The following GOLGA6A variants were observed in gnomAD, a reference collection of about 807,000 sequenced individuals.
GOLGA6A encodes golgin subfamily A member 6A.
A neutral mutation model predicts 53.6 loss-of-function variants in GOLGA6A; 1 was observed. That is an observed-to-expected ratio of 0.02 (90% CI 0.01 to 0.09). GOLGA6A has a LOEUF of 0.09. Among genes scored for constraint, GOLGA6A ranks in the 10% least tolerant of loss-of-function variants. The pLI is 1.00. For synonymous variants in GOLGA6A, 6 were observed against 201.8 expected (o/e 0.03, Z 8.22); for missense variants, 23 against 509.4 (o/e 0.05, Z 9.19).
In GOLGA6A at chr15:74,076,106, G is replaced by C. The variant is rs1184394807; in HGVS notation, c.565-121C>G. On this transcript the variant is annotated intron_variant, in intron 7 of 17. Coordinates refer to ENST00000290438, the MANE Select transcript of GOLGA6A (RefSeq NM_001038640.2). The stretch of plus-strand genomic sequence containing the variant: ...AAGGCATTTCCAAGCCCGTGGCCTG[G>C]TTATTAAAAGAACTCAGTAAAGTTG... The C allele has an allele frequency of 3.5e-5, 36 of 1,016,170 alleles. No homozygotes were observed. In the African/African-American group the frequency reaches 5.6e-4, roughly 16 times the overall value. 62.9% of individuals were successfully genotyped at this position (1,016,170 alleles called of 1,614,324 possible).
At chr15:74,072,529 T>A (rs2071952411) in intron 13 of GOLGA6A, 1 of 787,946 alleles carries the variant, frequency 1.3e-6, no homozygotes, top group Non-Finnish European at 2.0e-6. Flanking sequence ...CCTGCTCCCT[T>A]TCTGATCTGG....
intron 14 of GOLGA6A, 64 bp downstream of exon 14, chr15:74,072,154 T>TCAG: frequency 7.1e-7 from 1 of 1,412,560 alleles, no homozygotes. Context: ...ACCAAGAGCA[T>TCAG]AAGGGGGTCT....
chr15:74,076,305 C>T (rs531108242), intron 7 of GOLGA6A, among the ~76,000 whole-genome samples: 13 of 139,542 alleles, frequency 9.3e-5, no homozygotes, highest in Admixed American at 3.7e-4. Context: ...CCATATGAGA[C>T]GGTTACTAGG....
chr15:74,076,664 C>CT (rs1595931748), intron 7 of GOLGA6A, among the ~76,000 whole-genome samples: 78 of 142,854 alleles, frequency 5.5e-4, no homozygotes, highest in Middle Eastern at 3.9e-3. Flanking sequence ...ACACACACCC[C>CT]TTTCCTCTCT....
At chr15:74,076,660 ACC>A (rs1555447184) in intron 7 of GOLGA6A, among the ~76,000 whole-genome samples, 3 of 143,844 alleles carry the variant, frequency 2.1e-5, no homozygotes, top group African/African-American at 7.7e-5. Flanking sequence ...ACACACACAC[ACC>A]CCTTTCCTCT....
chr15:74,076,010 T>C, intron 7 of GOLGA6A, 25 bp from the exon 8 acceptor site: 2 of 1,611,742 alleles, frequency 1.2e-6, no homozygotes, highest in Non-Finnish European at 1.7e-6. Flanking sequence ...GTGAGAAGTT[T>C]TGATCTGGGG....
At chr15:74,073,506 A>G (rs1429788234) in intron 12 of GOLGA6A, among the ~76,000 whole-genome samples, 1 of 152,066 alleles carries the variant, frequency 6.6e-6, no homozygotes, top group South Asian at 2.1e-4. Context: ...GATGAACAGT[A>G]GTTGAATGGT....
In GOLGA6A at chr15:74,075,822, GC is replaced by G. The variant is rs1567149318; in HGVS notation, c.652-33del. 3.4e-6 allele frequency: 5 copies of G among 1,480,332 alleles called. No homozygotes were observed. In the South Asian group the frequency reaches 5.8e-5, roughly 17 times the overall value. 91.7% of individuals were successfully genotyped at this position (1,480,332 alleles called of 1,614,324 possible). On this transcript the variant is annotated intron_variant, in intron 8 of 17. Transcript: ENST00000290438. ...GAAATGGGCACAGAAGTTAGGAAGGGCTGTCACTGGTCCTCACCTGCTCCTG... is the reference window on the plus strand; with the variant it reads ...GAAATGGGCACAGAAGTTAGGAAGGGTGTCACTGGTCCTCACCTGCTCCTG...
At chr15:74,076,238 G>A (rs1213265316) in intron 7 of GOLGA6A, among the ~76,000 whole-genome samples, 9 of 146,234 alleles carry the variant, frequency 6.2e-5, no homozygotes, top group South Asian at 2.3e-4. Flanking sequence ...TGTTTGAACC[G>A]TTATGGAGTG....
chr15:74,080,379 A>T (rs1202602359), intron 2 of GOLGA6A, among the ~76,000 whole-genome samples: 1 of 152,302 alleles, frequency 6.6e-6, no homozygotes, highest in African/African-American at 2.4e-5. Context: ...AAACAACAAC[A>T]ATAAGGAATC....
chr15:74,080,313 C>T (rs2071995575), intron 2 of GOLGA6A, among the ~76,000 whole-genome samples: 1 of 152,294 alleles, frequency 6.6e-6, no homozygotes, highest in Non-Finnish European at 1.5e-5. Flanking sequence ...CAGCAATGAC[C>T]ATTTCCTGGG....
rs1417880008 is a variant in GOLGA6A, at chr15:74,076,125, A to T, written c.565-140T>A. The T allele has an allele frequency of 3.5e-6, 3 of 859,110 alleles. No individual in the cohort carries two copies. In the African/African-American group the frequency reaches 5.2e-5, roughly 15 times the overall value. The allele number at this position is 859,110 out of a possible 1,614,324, so 53.2% of individuals were successfully genotyped here. A position where few individuals can be genotyped will look rare whatever the true frequency, so the allele number is the denominator to read the frequency against. On this transcript the variant is annotated intron_variant, in intron 7 of 17. Transcript: ENST00000290438. Reference sequence around the variant, plus strand: ...GGCCTGGTTATTAAAAGAACTCAGTAAAGTTGGAAGGGAGAGGGAAAGAGA... The same window carrying T: ...GGCCTGGTTATTAAAAGAACTCAGTTAAGTTGGAAGGGAGAGGGAAAGAGA...
In GOLGA6A at chr15:74,074,641, T is replaced by TGCAGCCTCTCCTCCTCCTTTC; in HGVS notation, c.1187_1207dup (p.Arg396_Leu402dup). 1.1e-5 allele frequency: 5 copies of TGCAGCCTCTCCTCCTCCTTTC among 436,162 alleles called. No individual in the cohort carries two copies. The highest frequency in any genetic ancestry group is 6.9e-5 in the South Asian group (3 of 43,558). 27.0% of individuals were successfully genotyped at this position (436,162 alleles called of 1,614,324 possible). A position where few individuals can be genotyped will look rare whatever the true frequency, so the allele number is the denominator to read the frequency against. On this transcript the variant is annotated inframe_insertion, in exon 11 of 18. Transcript: ENST00000290438. ...GTCCCACAGCCTCTTTTCCTGCTTT[T>TGCAGCCTCTCCTCCTCCTTTC]GCAGCCTCTCCTCCTCCTTTCGCAG...
intron 2 of GOLGA6A, among the ~76,000 whole-genome samples, chr15:74,079,915 TC>T (rs2071993225): frequency 3.4e-5 from 1 of 29,176 alleles, no homozygotes; most frequent in Admixed American, 3.9e-4. Flanking sequence ...CTTAATACGC[TC>T]ACTGGACCCC....
chr15:74,075,076 A>ACAAAAAC (rs2071970616), intron 10 of GOLGA6A, 75 bp from the exon 11 acceptor site: 1 of 421,486 alleles, frequency 2.4e-6, no homozygotes, highest in Admixed American at 5.9e-5. Flanking sequence ...AAAAAAAAAA[A>ACAAAAAC]AAAAACCTCC....
In GOLGA6A at chr15:74,074,210, CGTT is replaced by C; in HGVS notation, c.1360_1362del (p.Asn454del). 3.6e-5 allele frequency: 1 copy of C among 27,704 alleles called. No individual in the cohort carries two copies. Among genetic ancestry groups the C allele is most frequent in the South Asian group, 2.6e-4 (1 of 3,830 alleles). 1.7% of individuals were successfully genotyped at this position (27,704 alleles called of 1,614,324 possible). On this transcript the variant is annotated inframe_deletion, in exon 12 of 18. Coordinates refer to ENST00000290438, the MANE Select transcript of GOLGA6A (RefSeq NM_001038640.2). ...TCCAACTGCAGTGCGCTCTTTTTCT[CGTT>C]GTTCTGGACAGAGAGAAGCAATCAG...
At chr15:74,079,221 C>T (rs1416733560) in intron 2 of GOLGA6A, among the ~76,000 whole-genome samples, 17 of 5,906 alleles carry the variant, frequency 2.9e-3, no homozygotes, top group African/African-American at 0.016. Flanking sequence ...GAGCCGAGAT[C>T]GCACCACTCC....
At chr15:74,079,266 CAAAAA>C (rs1319577495) in intron 2 of GOLGA6A, among the ~76,000 whole-genome samples, 1 of 1,156 alleles carries the variant, frequency 8.7e-4, no homozygotes, top group Admixed American at 7.2e-3. Context: ...GACTCTGTCT[CAAAAA>C]AAAAAAAAAA....
intron 7 of GOLGA6A, 47 bp from the exon 8 acceptor site, chr15:74,076,032 T>A: frequency 6.2e-7 from 1 of 1,612,594 alleles, no homozygotes; most frequent in Non-Finnish European, 8.5e-7. Flanking sequence ...GCTCAGGCAG[T>A]GCCCCTTAAA....
Sources: allele counts gnomAD v4.1 joint callset (sites outside exome capture counted in the v4.1 genomes callset), GRCh38; gene constraint gnomAD v4.1.1; transcripts MANE v1.5; gene names NCBI Gene and HGNC (gene_info 2026-07-23, HGNC 2026-07-21).